NGFR: variants seen among roughly 807,000 people sequenced by gnomAD.
NGFR encodes the protein nerve growth factor receptor.
Under a neutral mutation model 43.2 loss-of-function variants are expected in NGFR, and 30 were observed. The ratio of observed to expected loss-of-function variants is 0.69; its 90% CI spans 0.52 to 0.94. NGFR has a LOEUF of 0.94. NGFR is among the 40% of genes least tolerant of loss of function. The probability of loss-of-function intolerance (pLI) is 0.00; values close to 1 mark genes in which losing one functional copy is unlikely to be tolerated. For synonymous variants in NGFR, 246 were observed against 259.6 expected (o/e 0.95, Z 0.50); for missense variants, 529 against 602.5 (o/e 0.88, Z 1.28).
chr17:49,503,353 G>A (rs1013821948), intron 2 of NGFR, among the ~76,000 whole-genome samples: 9 of 152,248 alleles, frequency 5.9e-5, no homozygotes, highest in East Asian at 3.9e-4. Flanking sequence ...GTCCCTGATC[G>A]GTGCCCCCAG....
chr17:49,498,218 C>A (rs940656206), intron 1 of NGFR, among the ~76,000 whole-genome samples: 1 of 152,152 alleles, frequency 6.6e-6, no homozygotes, highest in African/African-American at 2.4e-5. Flanking sequence ...CCTTCTAGAT[C>A]ATGGAAGGAG....
At chr17:49,511,860 C>T (rs778345643) in intron 4 of NGFR, 32 bp from the exon 5 acceptor site, 6 of 1,554,354 alleles carry the variant, frequency 3.9e-6, no homozygotes, top group Non-Finnish European at 3.5e-6. Context: ...AGCCCCTCGC[C>T]CCCTGAAACC....
In NGFR at chr17:49,513,003, G is replaced by A. The variant is rs1232700642; in HGVS notation, c.1278G>A (p.Pro426=). The change falls in exon 6 of 6, where the codon CCG becomes CCA. Residue 426 remains proline (P), a synonymous_variant. Coordinates refer to ENST00000172229, the MANE Select transcript of NGFR (RefSeq NM_002507.4). ...GCAGTGAGTCCACTGCCACATCCCC[G>A]GTGTGAGCCCAACCGGGGAGCCCCC... is the stretch of plus-strand genomic sequence containing the variant. ...SLCSESTATS[P]V The A allele has an allele frequency of 1.2e-5, 19 of 1,557,880 alleles. No homozygotes were observed. The highest frequency in any genetic ancestry group is 2.0e-4 in the Middle Eastern group (1 of 4,998).
chr17:49,502,035 T>C, intron 1 of NGFR, 28 bp from the exon 2 acceptor site: 1 of 902,750 alleles, frequency 1.1e-6, no homozygotes, highest in Non-Finnish European at 1.5e-6. Flanking sequence ...CTCTTGCCAG[T>C]CTGACCCTCC....
At position 49,506,054 on chromosome 17, in the gene NGFR, C is replaced by T. The variant is rs373468183; in HGVS notation, c.209-245C>T. The T allele has an allele frequency of 1.5e-4, 95 of 649,118 alleles. 1 individual carries two copies. The African/African-American group carries it at 1.5e-3, about 10-fold the overall frequency. The allele number at this position is 649,118 out of a possible 1,614,324, so 40.2% of individuals were successfully genotyped here. A position where few individuals can be genotyped will look rare whatever the true frequency, so the allele number is the denominator to read the frequency against. ...AGCTGGGTTATGCCGGAAAGCCTCCCGGCCGGCCAGTGCTTCTGGAGCCTG... is the reference window on the plus strand; with the variant it reads ...AGCTGGGTTATGCCGGAAAGCCTCCTGGCCGGCCAGTGCTTCTGGAGCCTG... On this transcript the variant is annotated intron_variant, in intron 2 of 5. Coordinates refer to ENST00000172229, the MANE Select transcript of NGFR (RefSeq NM_002507.4).
intron 1 of NGFR, 60 bp from the exon 2 acceptor site, chr17:49,502,000 ACCC>A: frequency 3.8e-6 from 1 of 264,886 alleles, no homozygotes; most frequent in Non-Finnish European, 7.9e-6. Context: ...CCCCGGAAGA[ACCC>A]CCCCCAACCC....
chr17:49,508,089 G>A (rs2071210240), intron 3 of NGFR, among the ~76,000 whole-genome samples: 1 of 152,260 alleles, frequency 6.6e-6, no homozygotes, highest in African/African-American at 2.4e-5. Context: ...CTGCCTTGGA[G>A]AAGGAATGAG....
At chr17:49,504,489 T>C (rs2071184795) in intron 2 of NGFR, among the ~76,000 whole-genome samples, 1 of 152,222 alleles carries the variant, frequency 6.6e-6, no homozygotes, top group African/African-American at 2.4e-5. Context: ...GTGCCAAAGC[T>C]TTATGGCTGA....
intron 1 of NGFR, among the ~76,000 whole-genome samples, chr17:49,499,739 C>T (rs1049158211): frequency 1.3e-5 from 2 of 152,134 alleles, no homozygotes; most frequent in African/African-American, 4.8e-5. Context: ...AGGCGCCCGC[C>T]ACCACGCCTG....
chr17:49,512,652 C>T lies in NGFR; in HGVS notation c.983-56C>T. 2 of 1,522,648 alleles carry T rather than the reference C, an allele frequency of 1.3e-6. No homozygotes were observed. The highest frequency in any genetic ancestry group is 4.1e-5 in the Admixed American group (2 of 48,210). The allele number at this position is 1,522,648 out of a possible 1,614,324, so 94.3% of individuals were successfully genotyped here. ...TTCTTGGGTCTCACCCCAGTGCCCA[C>T]TGTTGGGGAAAGGAGTTCAGGGGTA... On this transcript the variant is annotated intron_variant, in intron 5 of 5. Transcript: ENST00000172229. The surrounding 1 kb of genome is among the most constrained non-coding windows in gnomAD (Gnocchi z 5.2).
Position 49,512,813 on chromosome 17 carries a change from C to T in NGFR, c.1088C>T (p.Ala363Val), listed in dbSNP as rs1315320609. The T allele has an allele frequency of 2.5e-6, 4 of 1,613,428 alleles. No individual in the cohort carries two copies. Among genetic ancestry groups the T allele is most frequent in the African/African-American group, 1.3e-5 (1 of 75,042 alleles). Residue 363 changes from alanine (A) to valine (V), a missense_variant, in exon 6 of 6, where the codon GCG becomes GTG. Coordinates refer to ENST00000172229, the MANE Select transcript of NGFR (RefSeq NM_002507.4). This position sits in a 1 kb window ranked among gnomAD's most constrained non-coding sequence, Gnocchi z 5.2. ...GCGGGGGACACCTGGCGGCACCTGG[C>T]GGGCGAGCTGGGCTACCAGCCCGAG... ...GSAGDTWRHL[A>V]GELGYQPEHI...
intron 3 of NGFR, among the ~76,000 whole-genome samples, chr17:49,508,893 C>T (rs2071215166): frequency 6.6e-6 from 1 of 152,182 alleles, no homozygotes; most frequent in South Asian, 2.1e-4. Flanking sequence ...TCATTGGGCA[C>T]CCGGACATGT....
rs757940786 is a variant in NGFR at position 49,512,974 on chromosome 17, C to A, written c.1249C>A (p.Leu417Met). The A allele has an allele frequency of 6.3e-7, 1 of 1,599,912 alleles. No individual in the cohort carries two copies. The highest frequency in any genetic ancestry group is 8.5e-7 in the Non-Finnish European group (1 of 1,172,514). Residue 417 changes from leucine to methionine, a missense_variant, in exon 6 of 6, where the codon CTG becomes ATG. Transcript: ENST00000172229. The surrounding 1 kb of genome is among the most constrained non-coding windows in gnomAD (Gnocchi z 5.2). ...CCAGCGAGCCGACCTCGTGGAGAGT[C>A]TGTGCAGTGAGTCCACTGCCACATC... ...RIQRADLVESLCSESTATSPV is the reference protein window; with the variant it reads ...RIQRADLVESMCSESTATSPV
chr17:49,495,597 G>A lies in NGFR; in HGVS notation c.66+114G>A. 1 of 923,448 alleles carries A rather than the reference G, an allele frequency of 1.1e-6. No homozygotes were observed. The highest frequency in any genetic ancestry group is 1.4e-6 in the Non-Finnish European group (1 of 704,062). The allele number at this position is 923,448 out of a possible 1,614,324, so 57.2% of individuals were successfully genotyped here. ...AGCATTGGGGTCCCAGATACTGAGG[G>A]TGGGTGGTGGGAAAGGACCTCTGAT... On this transcript the variant is annotated intron_variant, in intron 1 of 5. Transcript: ENST00000172229. This position sits in a 1 kb window ranked among gnomAD's most constrained non-coding sequence, Gnocchi z 6.4.
chr17:49,504,452 G>A (rs2071184578), intron 2 of NGFR, among the ~76,000 whole-genome samples: 2 of 152,184 alleles, frequency 1.3e-5, no homozygotes, highest in Non-Finnish European at 2.9e-5. Context: ...CCCCCATGGG[G>A]CCCAATCTTT....
intron 1 of NGFR, among the ~76,000 whole-genome samples, chr17:49,498,918 C>T (rs1046150286): frequency 6.6e-6 from 1 of 152,160 alleles, no homozygotes; most frequent in African/African-American, 2.4e-5. Context: ...TGAGATGCTT[C>T]TTTGATAACT....
At chr17:49,505,995 T>G in intron 2 of NGFR, 1 of 444,146 alleles carries the variant, frequency 2.3e-6, no homozygotes, top group Non-Finnish European at 4.0e-6. Flanking sequence ...CTGGGAACTC[T>G]CAAAGAGAAT....
At chr17:49,510,813 GGTGCAGCAGGT>G (rs1026004676) in intron 4 of NGFR, 149 bp downstream of exon 4, 12 of 962,420 alleles carry the variant, frequency 1.2e-5, no homozygotes, top group Non-Finnish European at 1.9e-5. Context: ...CCCACTCCAG[GGTGCAGCAGGT>G]CAGCAGGAGG....
At chr17:49,496,352 G>C (rs1233430751) in intron 1 of NGFR, 1 of 152,234 alleles carries the variant, frequency 6.6e-6, no homozygotes, top group African/African-American at 2.4e-5. Context: ...CCACTTCGCC[G>C]GGGCGAACCC....
Sources: gnomAD v4.1 joint callset for allele counts (sites outside exome capture counted in the v4.1 genomes callset) on GRCh38, gnomAD v4.1.1 for gene constraint, Gnocchi (gnomAD v3.1) non-coding constraint, MANE v1.5 for transcripts, NCBI Gene and HGNC (gene_info 2026-07-23, HGNC 2026-07-21) for gene names.